ZNF277: variants seen among roughly 807,000 people sequenced by gnomAD.
The protein encoded by ZNF277 is nuclear receptor-interacting factor 4.
Under a neutral mutation model 60.7 loss-of-function variants are expected in ZNF277, and 55 were observed. The observed-to-expected ratio is 0.91, with a 90% CI of 0.73 to 1.13. The LOEUF is 1.13. ZNF277 is among the 50% of genes most tolerant of loss of function. ZNF277 has a pLI of 0.00. For missense variants in ZNF277, 510 were observed against 523.0 expected (o/e 0.98, Z 0.24); for synonymous variants, 178 against 179.3 (o/e 0.99, Z 0.06).
chr7:112,299,135 C>A (rs1262025671), intron 4 of ZNF277, among the ~76,000 whole-genome samples: 2 of 152,088 alleles, frequency 1.3e-5, no homozygotes, highest in Non-Finnish European at 2.9e-5. Flanking sequence ...GCTGAATTTG[C>A]CATCAGCCAG....
chr7:112,255,660 T>C (rs1791292691), intron 1 of ZNF277, among the ~76,000 whole-genome samples: 1 of 152,222 alleles, frequency 6.6e-6, no homozygotes, highest in African/African-American at 2.4e-5. Flanking sequence ...AAGCCTGATA[T>C]AATAAGCACC....
rs558980785 is a variant in ZNF277, at chr7:112,283,992, G to A, written c.92-2881G>A. Among the ~76,000 whole-genome samples, 134 of 152,300 alleles carry A rather than the reference G, an allele frequency of 8.8e-4. No homozygotes were observed. In the South Asian group the frequency reaches 0.027, roughly 30 times the overall value. On this transcript the variant is annotated intron_variant, in intron 1 of 11. Transcript: ENST00000361822. ...AGAAACAGTTGGAGAAATGCCATTT[G>A]GTACAGGGAGCAGAACAGCATAGTG...
intron 1 of ZNF277, among the ~76,000 whole-genome samples, chr7:112,283,368 C>T (rs1791990072): frequency 6.6e-6 from 1 of 152,134 alleles, no homozygotes; most frequent in South Asian, 2.1e-4. Flanking sequence ...ACTGAAAATA[C>T]AAAAATTAGC....
intron 1 of ZNF277, among the ~76,000 whole-genome samples, chr7:112,226,214 A>G (rs1822170860): frequency 6.6e-6 from 1 of 152,192 alleles, no homozygotes; most frequent in African/African-American, 2.4e-5. Context: ...TGTAATAGTA[A>G]TCACTGTCGT....
chr7:112,340,908 T>C lies in ZNF277; in HGVS notation c.1046T>C (p.Phe349Ser). ...TATCAGCAAGTGAAACTGGTCAATT[T>C]TATTCGGAGGCAAGTTCACCAATGC... ...NFYQQVKLVN[F>S]IRRQVHQCRC... The change falls in exon 11 of 12, where the codon TTT becomes TCT. Residue 349 changes from phenylalanine to serine, a missense_variant. Transcript: ENST00000361822. The C allele has an allele frequency of 1.2e-6, 2 of 1,611,774 alleles. No homozygotes were observed. The highest frequency in any genetic ancestry group is 1.7e-6 in the Non-Finnish European group (2 of 1,179,280).
At chr7:112,215,683 T>C (rs991525620) in intron 1 of ZNF277, among the ~76,000 whole-genome samples, 1 of 152,248 alleles carries the variant, frequency 6.6e-6, no homozygotes, top group African/African-American at 2.4e-5. Flanking sequence ...GAAATTCTTG[T>C]TTTGCCTCCT....
intron 1 of ZNF277, among the ~76,000 whole-genome samples, chr7:112,237,215 C>T (rs1000114528): frequency 1.8e-4 from 28 of 151,958 alleles, no homozygotes; most frequent in Non-Finnish European, 2.6e-4. Flanking sequence ...ACCTCTGGGA[C>T]AGAGCAAAAG....
intron 1 of ZNF277, among the ~76,000 whole-genome samples, chr7:112,241,516 G>T (rs964410879): frequency 2.0e-5 from 3 of 152,114 alleles, no homozygotes; most frequent in Admixed American, 6.6e-5. Flanking sequence ...CAAAATAAAG[G>T]AAATCAGTAT....
chr7:112,274,250 C>A (rs1218589488), intron 1 of ZNF277, among the ~76,000 whole-genome samples: 2 of 152,036 alleles, frequency 1.3e-5, no homozygotes, highest in African/African-American at 4.8e-5. Flanking sequence ...CTCAACCTCC[C>A]GGGCCCAAGC....
intron 1 of ZNF277, among the ~76,000 whole-genome samples, chr7:112,208,229 G>A (rs1277242096): frequency 6.6e-6 from 1 of 152,060 alleles, no homozygotes; most frequent in Non-Finnish European, 1.5e-5. Flanking sequence ...ACAAAAATTA[G>A]CCGGGCGTGG....
intron 5 of ZNF277, among the ~76,000 whole-genome samples, chr7:112,322,287 T>G (rs1365014448): frequency 6.6e-6 from 1 of 152,136 alleles, no homozygotes; most frequent in African/African-American, 2.4e-5. Context: ...TATCTCTCTT[T>G]GCTCTCCTTT....
At chr7:112,255,352 C>T (rs1791285226) in intron 1 of ZNF277, among the ~76,000 whole-genome samples, 1 of 152,046 alleles carries the variant, frequency 6.6e-6, no homozygotes, top group Admixed American at 6.5e-5. Context: ...AGGTAGGATC[C>T]AGAAGTTGAA....
chr7:112,257,553 G>A (rs903019188), intron 1 of ZNF277, among the ~76,000 whole-genome samples: 1 of 152,036 alleles, frequency 6.6e-6, no homozygotes, highest in African/African-American at 2.4e-5. Context: ...AAAACAACAG[G>A]TATTAGACTT....
intron 7 of ZNF277, among the ~76,000 whole-genome samples, 155 bp from the exon 8 acceptor site, chr7:112,335,949 T>C (rs1239667736): frequency 6.6e-6 from 1 of 152,230 alleles, no homozygotes; most frequent in Non-Finnish European, 1.5e-5. Flanking sequence ...CATCATAAGT[T>C]GGGCCATCTG....
intron 1 of ZNF277, among the ~76,000 whole-genome samples, chr7:112,257,206 GT>G (rs1791334438): frequency 6.6e-6 from 1 of 152,116 alleles, no homozygotes; most frequent in African/African-American, 2.4e-5. Context: ...TTTGGTTTTT[GT>G]TTCCATAGTT....
intron 1 of ZNF277, among the ~76,000 whole-genome samples, chr7:112,238,255 C>T (rs935809944): frequency 6.6e-6 from 1 of 152,182 alleles, no homozygotes; most frequent in African/African-American, 2.4e-5. Flanking sequence ...GGAGGGAGAG[C>T]GCAGTAATTG....
intron 1 of ZNF277, among the ~76,000 whole-genome samples, chr7:112,243,871 T>G (rs1563202313): frequency 6.6e-6 from 1 of 152,116 alleles, no homozygotes; most frequent in East Asian, 1.9e-4. Context: ...GCAATGCTAT[T>G]TATAATAGCA....
At chr7:112,238,335 G>A (rs933031831) in intron 1 of ZNF277, among the ~76,000 whole-genome samples, 1 of 152,182 alleles carries the variant, frequency 6.6e-6, no homozygotes, top group African/African-American at 2.4e-5. Context: ...AATTCAGCCA[G>A]CACCCATGGA....
At chr7:112,295,644 A>G (rs1792306926) in intron 2 of ZNF277, among the ~76,000 whole-genome samples, 1 of 152,036 alleles carries the variant, frequency 6.6e-6, no homozygotes, top group Non-Finnish European at 1.5e-5. Flanking sequence ...GAGTTTAGTC[A>G]TTTTCATGCC....
Sources: gnomAD v4.1 joint callset for allele counts (sites outside exome capture counted in the v4.1 genomes callset) on GRCh38, gnomAD v4.1.1 for gene constraint, MANE v1.5 for transcripts, NCBI Gene and HGNC (gene_info 2026-07-23, HGNC 2026-07-21) for gene names.